The following HOMER1 variants were observed in gnomAD, a reference collection of about 807,000 sequenced individuals.
HOMER1 encodes homer protein homolog 1.
In HOMER1, 3 loss-of-function variants were observed where a neutral mutation model predicts 48.9. That is an observed-to-expected ratio of 0.06 (90% CI 0.03 to 0.16). The LOEUF is 0.16. HOMER1 is among the 10% of genes least tolerant of loss of function. HOMER1 has a pLI of 1.00. For missense variants in HOMER1, 247 were observed against 411.4 expected (o/e 0.60, Z 3.46); for synonymous variants, 134 against 146.4 (o/e 0.92, Z 0.61).
rs371911621 is a variant in HOMER1, at chr5:79,451,857, G to A, written c.163-736C>T. On this transcript the variant is annotated intron_variant, in intron 2 of 8. Transcript: ENST00000334082. ...ATTACAGGCGTGAGCCACTGCGCCCGGCCGACACTGATTTTCTAAAATCCA... is the reference window on the plus strand; with the variant it reads ...ATTACAGGCGTGAGCCACTGCGCCCAGCCGACACTGATTTTCTAAAATCCA... 2.4e-3 allele frequency among the ~76,000 whole-genome samples: 364 copies of A among 152,084 alleles called. 1 individual carries two copies. Among genetic ancestry groups the A allele is most frequent in the African/African-American group, 8.2e-3 (341 of 41,494 alleles).
chr5:79,498,833 C>T (rs1487738038), intron 1 of HOMER1, among the ~76,000 whole-genome samples: 1 of 140,556 alleles, frequency 7.1e-6, no homozygotes, highest in African/African-American at 2.7e-5. Flanking sequence ...TGCAGGTCTC[C>T]ACTTTTTTTT....
intron 1 of HOMER1, among the ~76,000 whole-genome samples, chr5:79,477,985 A>G (rs572366643): frequency 1.3e-5 from 2 of 152,288 alleles, no homozygotes; most frequent in East Asian, 3.9e-4. Flanking sequence ...AAATGTCTGC[A>G]TTGGTACAAT....
At chr5:79,399,239 T>C (rs1749472920) in intron 6 of HOMER1, among the ~76,000 whole-genome samples, 1 of 152,212 alleles carries the variant, frequency 6.6e-6, no homozygotes, top group Non-Finnish European at 1.5e-5. Context: ...CTTTGGGTGA[T>C]TTCCACATCT....
chr5:79,429,224 C>T (rs967776828), intron 5 of HOMER1, among the ~76,000 whole-genome samples: 41 of 151,976 alleles, frequency 2.7e-4, no homozygotes, highest in South Asian at 1.0e-3. Context: ...GGGGTGGTGG[C>T]GCATGCCTAT....
At chr5:79,497,157 T>C (rs1580034584) in intron 1 of HOMER1, among the ~76,000 whole-genome samples, 1 of 149,924 alleles carries the variant, frequency 6.7e-6, no homozygotes, top group Non-Finnish European at 1.5e-5. Context: ...CAGAATAACA[T>C]AGAAGTAAGT....
chr5:79,460,874 T>C (rs1319628565), intron 1 of HOMER1, among the ~76,000 whole-genome samples: 2 of 152,230 alleles, frequency 1.3e-5, no homozygotes, highest in Non-Finnish European at 2.9e-5. Flanking sequence ...GGAATCTGAG[T>C]CTCCTGGGTT....
intron 5 of HOMER1, among the ~76,000 whole-genome samples, chr5:79,413,413 T>C (rs1195312979): frequency 6.6e-6 from 1 of 152,132 alleles, no homozygotes; most frequent in East Asian, 1.9e-4. Flanking sequence ...TTAAAGTATA[T>C]AACCCAAGGA....
intron 5 of HOMER1, among the ~76,000 whole-genome samples, chr5:79,425,917 A>C (rs1750235717): frequency 1.3e-5 from 2 of 152,122 alleles, no homozygotes; most frequent in African/African-American, 2.4e-5. Flanking sequence ...ATGCTTTCTG[A>C]AAACACTTTT....
chr5:79,397,862 G>A, intron 6 of HOMER1: 1 of 316,906 alleles, frequency 3.2e-6, no homozygotes, highest in East Asian at 5.7e-5. Context: ...AGAAAGGTTA[G>A]GATAACTTAA....
rs1297984752 is a variant in HOMER1, at chr5:79,373,981, T to A, written c.*2028A>T. 1.3e-5 allele frequency: 2 copies of A among 151,976 alleles called. No individual in the cohort carries two copies. The highest frequency in any genetic ancestry group is 4.8e-5 in the African/African-American group (2 of 41,440). 9.4% of individuals were successfully genotyped at this position (151,976 alleles called of 1,614,324 possible). A position where few individuals can be genotyped will look rare whatever the true frequency, so the allele number is the denominator to read the frequency against. ...CACTATGTCAAAATTTAAAAATATTTTATTACATCATTAAAATAATTCACT... is the reference window on the plus strand; with the variant it reads ...CACTATGTCAAAATTTAAAAATATTATATTACATCATTAAAATAATTCACT... On this transcript the variant is annotated 3_prime_UTR_variant, in exon 9 of 9. Coordinates refer to ENST00000334082, the MANE Select transcript of HOMER1 (RefSeq NM_004272.5).
intron 8 of HOMER1, among the ~76,000 whole-genome samples, chr5:79,387,276 A>G (rs1490023642): frequency 6.6e-6 from 1 of 151,962 alleles, no homozygotes; most frequent in African/African-American, 2.4e-5. Context: ...ATAGGTGCAC[A>G]TCACCATGCC....
intron 1 of HOMER1, among the ~76,000 whole-genome samples, chr5:79,476,931 T>C (rs1475350152): frequency 1.3e-5 from 2 of 152,226 alleles, no homozygotes; most frequent in East Asian, 3.9e-4. Context: ...GGCCTTTCTG[T>C]GCACATTCCT....
chr5:79,510,424 A>C, intron 1 of HOMER1: 2 of 662,258 alleles, frequency 3.0e-6, no homozygotes, highest in Non-Finnish European at 5.6e-6. Flanking sequence ...CCGCGCCTTA[A>C]GGTGCAGACA....
intron 6 of HOMER1, among the ~76,000 whole-genome samples, chr5:79,401,597 G>T (rs905557121): frequency 6.6e-6 from 1 of 152,084 alleles, no homozygotes; most frequent in African/African-American, 2.4e-5. Context: ...TACCATGTCA[G>T]TACTAATCAA....
chr5:79,468,521 GA>G (rs1336855152), intron 1 of HOMER1, among the ~76,000 whole-genome samples: 1 of 152,024 alleles, frequency 6.6e-6, no homozygotes, highest in African/African-American at 2.4e-5. Flanking sequence ...TTCCTTTTTA[GA>G]ACCTTAAAAC....
intron 1 of HOMER1, among the ~76,000 whole-genome samples, chr5:79,472,306 T>A (rs1390326078): frequency 1.3e-5 from 2 of 152,182 alleles, no homozygotes; most frequent in African/African-American, 4.8e-5. Context: ...GAAAAAAAAT[T>A]TTTTAAGCAA....
At position 79,512,818 on chromosome 5, in the gene HOMER1, A is replaced by G. The variant is rs1326207547; in HGVS notation, c.-44T>C. Reference sequence around the variant, plus strand: ...GCTCTGAAGTTTCAGCTCTTATGCTACGGAATAACTTCCAAAGGAATTTCT... The same window carrying G: ...GCTCTGAAGTTTCAGCTCTTATGCTGCGGAATAACTTCCAAAGGAATTTCT... On this transcript the variant is annotated 5_prime_UTR_variant, in exon 1 of 9. Transcript: ENST00000334082. The G allele has an allele frequency of 1.9e-6, 3 of 1,607,206 alleles. No homozygotes were observed. Among genetic ancestry groups the G allele is most frequent in the Non-Finnish European group, 2.6e-6 (3 of 1,173,894 alleles).
At chr5:79,436,431 T>C (rs1422493881) in intron 5 of HOMER1, among the ~76,000 whole-genome samples, 1 of 152,226 alleles carries the variant, frequency 6.6e-6, no homozygotes, top group Non-Finnish European at 1.5e-5. Context: ...AGCTGAGTTG[T>C]AGACTCACAG....
intron 2 of HOMER1, among the ~76,000 whole-genome samples, chr5:79,456,483 A>C (rs2112302160): frequency 6.6e-6 from 1 of 152,332 alleles, no homozygotes; most frequent in African/African-American, 2.4e-5. Context: ...AGGGACTTTA[A>C]ACTGCTACTA....
Sources: gnomAD v4.1 joint callset for allele counts (sites outside exome capture counted in the v4.1 genomes callset) on GRCh38, gnomAD v4.1.1 for gene constraint, MANE v1.5 for transcripts, NCBI Gene and HGNC (gene_info 2026-07-23, HGNC 2026-07-21) for gene names.